UNC80: variants seen among roughly 807,000 people sequenced by gnomAD.
UNC80 encodes the protein protein unc-80 homolog.
In UNC80, 164 loss-of-function variants were observed where a neutral mutation model predicts 384.6. The ratio of observed to expected loss-of-function variants is 0.43; its 90% CI spans 0.38 to 0.49. The LOEUF is 0.49. Ranked by LOEUF, UNC80 falls within the 20% of genes least tolerant of loss-of-function variation. The pLI, the probability that UNC80 is intolerant of heterozygous loss-of-function variation, is 0.00. For missense variants in UNC80, 3,330 were observed against 4,143.0 expected, an observed-to-expected ratio of 0.80 and a Z score of 5.39; for synonymous variants, 1,486 against 1,527.8, an observed-to-expected ratio of 0.97 and a Z score of 0.64.
chr2:209,960,332 T>C (rs1029684430), intron 51 of UNC80, among the ~76,000 whole-genome samples: 36 of 152,244 alleles, frequency 2.4e-4, no homozygotes, highest in Non-Finnish European at 3.8e-4. Flanking sequence ...ATTACTTCCC[T>C]GTGCACTCGT....
chr2:209,950,646 C>T (rs982204344), intron 47 of UNC80, among the ~76,000 whole-genome samples: 2 of 151,754 alleles, frequency 1.3e-5, no homozygotes, highest in Non-Finnish European at 2.9e-5. Flanking sequence ...GCGACCTCCA[C>T]CTCCCGGATT....
At position 209,995,405 on chromosome 2, in the gene UNC80, T is replaced by A; in HGVS notation, c.9785T>A (p.Leu3262His). 6.4e-7 allele frequency: 1 copy of A among 1,551,988 alleles called. No individual in the cohort carries two copies. Among genetic ancestry groups the A allele is most frequent in the Non-Finnish European group, 8.7e-7 (1 of 1,147,048 alleles). Residue 3262 changes from leucine (L) to histidine (H), a missense_variant, in exon 65 of 65, where the codon CTC becomes CAC. Around this residue, in one of 8 missense-constraint regions of UNC80, gnomAD observed 236 missense variants for 254.9 expected, o/e 0.93. Transcript: ENST00000673920. ...CAAGGTGCTACTGCACACAGTCCAC[T>A]CTCTGCCCAACTCTCTGACCCTGAT... ...EAQGATAHSP[L>H]SAQLSDPDDF...
At chr2:209,973,809 C>A (rs2092942480) in intron 56 of UNC80, among the ~76,000 whole-genome samples, 1 of 152,186 alleles carries the variant, frequency 6.6e-6, no homozygotes. Context: ...ATTTGGTGAC[C>A]TTGCAATATG....
At chr2:209,914,649 C>CTGTGTG (rs200222549) in intron 31 of UNC80, among the ~76,000 whole-genome samples, 2,610 of 128,444 alleles carry the variant, frequency 0.02, 35 homozygotes, top group South Asian at 0.056. Context: ...CTAGGGTAAA[C>CTGTGTG]TGTGTGTGTG....
intron 2 of UNC80, among the ~76,000 whole-genome samples, chr2:209,775,192 T>G (rs973826814): frequency 2.0e-5 from 3 of 152,104 alleles, no homozygotes; most frequent in African/African-American, 7.2e-5. Context: ...TGTTCCGGAG[T>G]GCTACACTCT....
At chr2:209,978,176 A>G (rs190781039) in intron 58 of UNC80, among the ~76,000 whole-genome samples, 6 of 152,328 alleles carry the variant, frequency 3.9e-5, no homozygotes, top group East Asian at 3.9e-4. Context: ...TATATTTCTT[A>G]GTAAAAATTG....
At chr2:209,813,921 C>T in intron 8 of UNC80, 80 bp downstream of exon 8, 1 of 1,488,220 alleles carries the variant, frequency 6.7e-7, no homozygotes, top group South Asian at 1.4e-5. Flanking sequence ...GCATCCAGCT[C>T]TTAGGTACTC....
chr2:209,872,894 G>C lies in UNC80; in HGVS notation c.3764G>C (p.Arg1255Pro). Residue 1255 changes from arginine to proline, a missense_variant, in exon 23 of 65, where the codon CGC (arginine) becomes CCC (proline). Around this residue, in one of 8 missense-constraint regions of UNC80, gnomAD observed 801 missense variants for 950.8 expected, o/e 0.84. Coordinates refer to ENST00000673920, the MANE Select transcript of UNC80 (RefSeq NM_001371986.1). The surrounding 1 kb of genome is among the most constrained non-coding windows in gnomAD (Gnocchi z 4.1). ...NITKKGLSRG[R>P]SPIVGNKRNQ... Reference sequence around the variant, plus strand: ...ACCAAGAAAGGACTTTCCCGGGGACGCTCTCCCATTGTGGGCAACAAGCGA... The same window carrying C: ...ACCAAGAAAGGACTTTCCCGGGGACCCTCTCCCATTGTGGGCAACAAGCGA... 1 of 1,551,520 alleles carries C rather than the reference G, an allele frequency of 6.4e-7. No homozygotes were observed. The highest frequency in any genetic ancestry group is 8.7e-7 in the Non-Finnish European group (1 of 1,146,910).
chr2:209,890,223 CCT>C (rs1175780289), intron 26 of UNC80, among the ~76,000 whole-genome samples: 1 of 152,040 alleles, frequency 6.6e-6, no homozygotes, highest in Non-Finnish European at 1.5e-5. Context: ...GTGATAATGT[CCT>C]CTGTGGCATC....
intron 45 of UNC80, 144 bp downstream of exon 45, chr2:209,943,658 A>C: frequency 1.0e-6 from 1 of 970,760 alleles, no homozygotes; most frequent in Non-Finnish European, 1.5e-6. Flanking sequence ...GAGGAGTCGA[A>C]AAACTGTATA....
At chr2:209,962,192 G>A (rs1279576499) in intron 51 of UNC80, among the ~76,000 whole-genome samples, 1 of 152,126 alleles carries the variant, frequency 6.6e-6, no homozygotes, top group African/African-American at 2.4e-5. Flanking sequence ...GAAAGATGGG[G>A]GAAATTTAGT....
In UNC80 at chr2:209,936,928, A is replaced by C; in HGVS notation, c.6358A>C (p.Asn2120His). The change falls in exon 41 of 65, where the codon AAT becomes CAT. Residue 2120 changes from asparagine (N) to histidine (H), a missense_variant. This residue lies in a region of UNC80 where 1,049 missense variants were observed against 1,488.6 expected (regional missense o/e 0.70). Transcript: ENST00000673920. ...MDKRWNLIHY[N>H]KTYVRDIYPF... is the part of the protein sequence containing the mutation. Reference sequence around the variant, plus strand: ...TAAACGATGGAACCTTATCCACTACAATAAGGTGAGACACCAGTAGTGACA... The same window carrying C: ...TAAACGATGGAACCTTATCCACTACCATAAGGTGAGACACCAGTAGTGACA... 5 of 1,541,506 alleles carry C rather than the reference A, an allele frequency of 3.2e-6. No individual in the cohort carries two copies. Among genetic ancestry groups the C allele is most frequent in the Non-Finnish European group, 3.5e-6 (4 of 1,137,770 alleles).
rs2080044390 is a variant in UNC80 at position 209,820,326 on chromosome 2, G to C, written c.1978G>C (p.Val660Leu). The C allele has an allele frequency of 6.5e-7, 1 of 1,544,520 alleles. No individual in the cohort carries two copies. Among genetic ancestry groups the C allele is most frequent in the African/African-American group, 1.4e-5 (1 of 72,728 alleles). Residue 660 changes from valine (V) to leucine (L), a missense_variant, in exon 13 of 65, where the codon GTT becomes CTT. This residue lies in a region of UNC80 where 937 missense variants were observed against 1,026.8 expected (regional missense o/e 0.91). Coordinates refer to ENST00000673920, the MANE Select transcript of UNC80 (RefSeq NM_001371986.1). ...TTTTCCTCAGGTAGTTCTGAAGGCT[G>C]TTTATCTTGTCCTTAATCATGACAT... is the stretch of plus-strand genomic sequence containing the variant. Reference protein sequence around the residue: ...MLDLSVVLKAVYLVLNHDISS... With the variant: ...MLDLSVVLKALYLVLNHDISS...
chr2:209,811,063 G>GAA (rs2079313509), intron 7 of UNC80, among the ~76,000 whole-genome samples: 1 of 152,126 alleles, frequency 6.6e-6, no homozygotes, highest in African/African-American at 2.4e-5. Context: ...GGAGAGCAGT[G>GAA]AAAGCCTTTT....
At chr2:209,967,781 GA>G in intron 52 of UNC80, 144 bp downstream of exon 52, 1 of 679,806 alleles carries the variant, frequency 1.5e-6, no homozygotes, top group Non-Finnish European at 2.4e-6. Context: ...TAGGGTCTAT[GA>G]ATGCCTAAGT....
chr2:209,783,197 C>T lies in UNC80; in HGVS notation c.601-2869C>T, dbSNP rs115885955. Among the ~76,000 whole-genome samples, 411 of 152,236 alleles carry T rather than the reference C, an allele frequency of 2.7e-3. 2 individuals carry two copies. The highest frequency in any genetic ancestry group is 9.6e-3 in the African/African-American group (399 of 41,550). On this transcript the variant is annotated intron_variant, in intron 4 of 64. Coordinates refer to ENST00000673920, the MANE Select transcript of UNC80 (RefSeq NM_001371986.1). ...CTGAAATGTGGGGATATTGCCTCTACGTGTACTTACACTTCTGGTTTTCTC... is the reference window on the plus strand; with the variant it reads ...CTGAAATGTGGGGATATTGCCTCTATGTGTACTTACACTTCTGGTTTTCTC...
At chr2:209,977,582 A>G (rs2093045286) in intron 58 of UNC80, among the ~76,000 whole-genome samples, 1 of 152,256 alleles carries the variant, frequency 6.6e-6, no homozygotes, top group Admixed American at 6.5e-5. Flanking sequence ...TAAATAACTT[A>G]CTACTGTCAC....
In UNC80 at chr2:209,902,730, G is replaced by C. The variant is rs1417840559; in HGVS notation, c.4582-2035G>C. On this transcript the variant is annotated intron_variant, in intron 28 of 64. Transcript: ENST00000673920. Reference sequence around the variant, plus strand: ...CATTTTTAATTAAGGTATGTACATTGGTTTTTTAGACATGATGTTATTGCA... The same window carrying C: ...CATTTTTAATTAAGGTATGTACATTCGTTTTTTAGACATGATGTTATTGCA... 3.9e-5 allele frequency among the ~76,000 whole-genome samples: 6 copies of C among 152,234 alleles called. No individual in the cohort carries two copies. The East Asian group carries it at 1.2e-3, about 29-fold the overall frequency.
At position 209,973,051 on chromosome 2, in the gene UNC80, T is replaced by C; in HGVS notation, c.8381-13T>C. The C allele has an allele frequency of 6.4e-7, 1 of 1,551,166 alleles. No individual in the cohort carries two copies. Among genetic ancestry groups the C allele is most frequent in the Admixed American group, 2.0e-5 (1 of 50,998 alleles). On this transcript the variant is annotated splice_polypyrimidine_tract_variant and intron_variant, in intron 55 of 64. Coordinates refer to ENST00000673920, the MANE Select transcript of UNC80 (RefSeq NM_001371986.1). ...TTTCTTTCCACTTCCGTCTTCCAAA[T>C]TCTGCCCCTCAGATAGCCCATGGCT... is the stretch of plus-strand genomic sequence containing the variant.
Sources: allele counts gnomAD v4.1 joint callset (sites outside exome capture counted in the v4.1 genomes callset), GRCh38; gene constraint gnomAD v4.1.1; regional missense constraint gnomAD v4.1.1; non-coding constraint Gnocchi (gnomAD v3.1); transcripts MANE v1.5; gene names NCBI Gene and HGNC (gene_info 2026-07-23, HGNC 2026-07-21).